CLVS1: variants seen among roughly 807,000 people sequenced by gnomAD.
CLVS1 encodes the protein clavesin 1, also known as clavesin-1.
A neutral mutation model predicts 33.1 loss-of-function variants in CLVS1; 10 were observed. That is an observed-to-expected ratio of 0.30 (90% confidence interval 0.19 to 0.51). The LOEUF (loss-of-function observed/expected upper bound fraction) is 0.51. CLVS1 is among the 20% of genes least tolerant of loss of function. CLVS1 has a pLI of 0.97. For missense variants in CLVS1, 343 were observed against 433.4 expected, an observed-to-expected ratio of 0.79 and a Z score of 1.85; for synonymous variants, 163 against 166.1, an observed-to-expected ratio of 0.98 and a Z score of 0.14.
At chr8:61,351,414 G>T (rs1223332471) in intron 2 of CLVS1, among the ~76,000 whole-genome samples, 1 of 151,990 alleles carries the variant, frequency 6.6e-6, no homozygotes, top group Non-Finnish European at 1.5e-5. Flanking sequence ...AAATATACTG[G>T]AAAAGTAACT....
the CLVS1 span, among the ~76,000 whole-genome samples, chr8:61,012,155 C>T: frequency 6.6e-6 from 1 of 152,168 alleles, no homozygotes; most frequent in African/African-American, 2.4e-5. Context: ...CTTTCCCCTT[C>T]CTGTTTTCTT....
intron 5 of CLVS1, among the ~76,000 whole-genome samples, chr8:61,486,824 A>C (rs1408104122): frequency 1.3e-5 from 2 of 151,976 alleles, no homozygotes; most frequent in African/African-American, 2.4e-5. Flanking sequence ...CTGTTTGCCT[A>C]TGTGTTCATT....
intron 2 of CLVS1, among the ~76,000 whole-genome samples, chr8:61,314,976 A>G (rs1176421174): frequency 6.6e-6 from 1 of 152,160 alleles, no homozygotes; most frequent in Non-Finnish European, 1.5e-5. Context: ...ATAACATCTC[A>G]TCGGTATGCT....
chr8:61,010,005 C>T, the CLVS1 span, among the ~76,000 whole-genome samples: 1 of 152,198 alleles, frequency 6.6e-6, no homozygotes, highest in Non-Finnish European at 1.5e-5. Flanking sequence ...AATGCCTCTC[C>T]TTGCTCCCTT....
In CLVS1 at chr8:61,086,988, A is replaced by G. The variant is rs993273860; in HGVS notation, c.-243+29758A>G. 1.6e-4 allele frequency among the ~76,000 whole-genome samples: 25 copies of G among 152,228 alleles called. 1 individual carries two copies. ...TATAATGCCATTGAGGAGAAGCAGCATGAGGTACAGGGCTAAACAGGACAG... is the reference window on the plus strand; with the variant it reads ...TATAATGCCATTGAGGAGAAGCAGCGTGAGGTACAGGGCTAAACAGGACAG... On this transcript the variant is annotated intron_variant, in intron 1 of 2. Transcript: ENST00000522621.
intron 2 of CLVS1, among the ~76,000 whole-genome samples, chr8:61,275,710 C>G (rs1809550061): frequency 6.6e-6 from 1 of 152,082 alleles, no homozygotes; most frequent in Non-Finnish European, 1.5e-5. Context: ...AGAAAACAAC[C>G]AATAAAAACC....
At chr8:61,191,813 T>G (rs1168751625) in intron 2 of CLVS1, among the ~76,000 whole-genome samples, 4 of 152,052 alleles carry the variant, frequency 2.6e-5, no homozygotes, top group Non-Finnish European at 5.9e-5. Context: ...GGAATCCAAC[T>G]TACAAGGGAT....
the CLVS1 span, among the ~76,000 whole-genome samples, chr8:61,003,614 A>T: frequency 6.6e-6 from 1 of 152,192 alleles, no homozygotes; most frequent in Admixed American, 6.5e-5. Flanking sequence ...AGAATCCTGA[A>T]CTGGTCCGTC....
At chr8:61,278,029 G>T (rs1432265747) in intron 2 of CLVS1, among the ~76,000 whole-genome samples, 1 of 152,166 alleles carries the variant, frequency 6.6e-6, no homozygotes, top group Non-Finnish European at 1.5e-5. Context: ...GCCCTCAGTG[G>T]TTAACTTTTG....
intron 2 of CLVS1, among the ~76,000 whole-genome samples, chr8:61,198,316 TA>T (rs1250152239): frequency 6.6e-6 from 1 of 152,186 alleles, no homozygotes; most frequent in Non-Finnish European, 1.5e-5. Context: ...ATGAATTGTA[TA>T]GAAATGAAAT....
intron 2 of CLVS1, among the ~76,000 whole-genome samples, chr8:61,197,780 A>G (rs1807646774): frequency 6.6e-6 from 1 of 152,188 alleles, no homozygotes; most frequent in Non-Finnish European, 1.5e-5. Flanking sequence ...TCGGCCTCCC[A>G]AAGTGCTGGG....
At chr8:61,338,851 G>A (rs368075498) in intron 2 of CLVS1, among the ~76,000 whole-genome samples, 2 of 152,168 alleles carry the variant, frequency 1.3e-5, no homozygotes, top group Admixed American at 6.5e-5. Flanking sequence ...GCCCCAGGGA[G>A]GTCCTTCCTT....
chr8:61,122,597 C>G, intron 1 of CLVS1, among the ~76,000 whole-genome samples: 1 of 151,662 alleles, frequency 6.6e-6, no homozygotes, highest in East Asian at 1.9e-4. Context: ...CACACACACA[C>G]ACACACACAC....
intron 1 of CLVS1, among the ~76,000 whole-genome samples, chr8:61,076,787 C>T (rs1438506395): frequency 6.6e-6 from 1 of 152,160 alleles, no homozygotes; most frequent in Non-Finnish European, 1.5e-5. Flanking sequence ...TGCACCACCC[C>T]TGATATTGGT....
At chr8:61,338,813 C>T (rs1358119327) in intron 2 of CLVS1, among the ~76,000 whole-genome samples, 1 of 152,112 alleles carries the variant, frequency 6.6e-6, no homozygotes, top group Non-Finnish European at 1.5e-5. Context: ...ACACCTCTGC[C>T]CCGGGGAGGC....
At chr8:61,055,377 G>A (rs892157065), upstream of CLVS1, among the ~76,000 whole-genome samples, 9 of 152,166 alleles carry the variant, frequency 5.9e-5, no homozygotes, top group East Asian at 1.9e-4. Flanking sequence ...CTGGCAGGCC[G>A]TGGTTGTTTA....
the CLVS1 span, among the ~76,000 whole-genome samples, chr8:61,000,732 G>A: frequency 1.8e-4 from 28 of 152,170 alleles, no homozygotes; most frequent in Admixed American, 1.3e-4. Flanking sequence ...TGCAAGTCAA[G>A]CCAGGGGTCA....
chr8:61,411,241 A>G (rs1815210755), intron 3 of CLVS1, among the ~76,000 whole-genome samples: 1 of 152,256 alleles, frequency 6.6e-6, no homozygotes, highest in Non-Finnish European at 1.5e-5. Flanking sequence ...GTCGTTGTTC[A>G]GGTTCCAGAG....
chr8:60,966,680 C>T, the CLVS1 span: 1 of 219,364 alleles, frequency 4.6e-6, no homozygotes, highest in Admixed American at 5.3e-5. Flanking sequence ...GAATACCATG[C>T]AGCAGCTGAA....
Sources: allele counts gnomAD v4.1 joint callset (sites outside exome capture counted in the v4.1 genomes callset), GRCh38; gene constraint gnomAD v4.1.1; transcripts MANE v1.5; gene names NCBI Gene and HGNC (gene_info 2026-07-23, HGNC 2026-07-21).